The following PTPRM variants were observed in gnomAD, a reference collection of about 807,000 sequenced individuals.
PTPRM encodes the protein receptor-type tyrosine-protein phosphatase mu.
PTPRM carries 47 observed loss-of-function variants against 186.7 expected under a neutral mutation model. That is an observed-to-expected ratio of 0.25 (90% CI 0.20 to 0.32). PTPRM has a LOEUF of 0.32. Among genes scored for constraint, PTPRM ranks in the 10% least tolerant of loss-of-function variants. The pLI, the probability that PTPRM is intolerant of heterozygous loss-of-function variation, is 1.00. For synonymous variants in PTPRM, 668 were observed against 674.9 expected (o/e 0.99, Z 0.16); for missense variants, 1,494 against 1,865.0 (o/e 0.80, Z 3.66).
chr18:7,683,051 T>C (rs2039515420), intron 1 of PTPRM, among the ~76,000 whole-genome samples: 1 of 152,156 alleles, frequency 6.6e-6, no homozygotes, highest in Non-Finnish European at 1.5e-5. Flanking sequence ...GTCATGTCCA[T>C]GAGGCTTAGT....
intron 1 of PTPRM, among the ~76,000 whole-genome samples, chr18:7,683,209 A>G (rs2039519931): frequency 7.4e-6 from 1 of 135,790 alleles, no homozygotes. Flanking sequence ...TCTGTCGCCT[A>G]GACTAGAGTA....
intron 32 of PTPRM, among the ~76,000 whole-genome samples, chr18:8,395,133 AATCTCTTTTT>A (rs1371317670): frequency 3.3e-5 from 5 of 152,146 alleles, no homozygotes; most frequent in Non-Finnish European, 7.3e-5. Context: ...TATTTTATGA[AATCTCTTTTT>A]ATGTGGAGCT....
chr18:8,162,176 TACA>T (rs1185112473), intron 14 of PTPRM, among the ~76,000 whole-genome samples: 2 of 151,662 alleles, frequency 1.3e-5, no homozygotes, highest in African/African-American at 2.4e-5. Context: ...CTCGGCTCAC[TACA>T]ACCTCTGCCT....
intron 2 of PTPRM, among the ~76,000 whole-genome samples, chr18:7,783,754 G>C (rs1264506839): frequency 7.1e-6 from 1 of 140,178 alleles, no homozygotes; most frequent in Non-Finnish European, 1.6e-5. Context: ...AATTTTGTGT[G>C]TGTGTGTGTG....
chr18:7,965,367 A>G (rs1718317510), intron 7 of PTPRM, among the ~76,000 whole-genome samples: 1 of 152,204 alleles, frequency 6.6e-6, no homozygotes, highest in South Asian at 2.1e-4. Flanking sequence ...TTGTAAGTTT[A>G]TCCAGAGGAC....
chr18:7,989,935 G>T (rs2147610460), intron 7 of PTPRM, among the ~76,000 whole-genome samples: 1 of 152,158 alleles, frequency 6.6e-6, no homozygotes, highest in South Asian at 2.1e-4. Flanking sequence ...AGACAGTCTT[G>T]CTCTGTTGCC....
At chr18:8,004,173 G>A (rs968068859) in intron 7 of PTPRM, among the ~76,000 whole-genome samples, 2 of 152,162 alleles carry the variant, frequency 1.3e-5, no homozygotes, top group African/African-American at 2.4e-5. Flanking sequence ...GATTGAGAGT[G>A]CGCTGAAAAT....
At chr18:8,135,040 T>C (rs935480102) in intron 13 of PTPRM, among the ~76,000 whole-genome samples, 2 of 152,162 alleles carry the variant, frequency 1.3e-5, no homozygotes, top group Admixed American at 6.5e-5. Flanking sequence ...AAATAAAAAT[T>C]ATATAAGTTA....
At chr18:7,709,294 A>G (rs952570298) in intron 1 of PTPRM, among the ~76,000 whole-genome samples, 1 of 152,172 alleles carries the variant, frequency 6.6e-6, no homozygotes, top group Non-Finnish European at 1.5e-5. Context: ...AGATTAAATA[A>G]TAACTGAATG....
At chr18:8,288,939 T>C (rs2094989994) in intron 19 of PTPRM, among the ~76,000 whole-genome samples, 1 of 152,152 alleles carries the variant, frequency 6.6e-6, no homozygotes, top group Non-Finnish European at 1.5e-5. Flanking sequence ...ACTGGCTCAT[T>C]CCATAAAACG....
chr18:7,694,431 C>CTTT (rs11369001), intron 1 of PTPRM, among the ~76,000 whole-genome samples: 2 of 138,338 alleles, frequency 1.4e-5, no homozygotes, highest in African/African-American at 2.8e-5. Flanking sequence ...TCCTTCCTTC[C>CTTT]TTTTTTTTTT....
chr18:8,069,841 C>G lies in PTPRM; in HGVS notation c.1288C>G (p.Arg430Gly). Residue 430 changes from arginine to glycine, a missense_variant, in exon 8 of 33, where the codon CGA becomes GGA. By Grantham distance (125) the Arg-to-Gly change is moderately radical. Transcript: ENST00000580170. ...CYQVGGQEQV[R>G]EEVSWDTENS... ...CCAAGTTGGAGGACAAGAACAAGTGCGAGAAGAAGTAAGCTGGGATACAGA... is the reference window on the plus strand; with the variant it reads ...CCAAGTTGGAGGACAAGAACAAGTGGGAGAAGAAGTAAGCTGGGATACAGA... 1 of 1,613,928 alleles carries G rather than the reference C, an allele frequency of 6.2e-7. No homozygotes were observed. Among genetic ancestry groups the G allele is most frequent in the Non-Finnish European group, 8.5e-7 (1 of 1,179,932 alleles).
chr18:7,788,134 A>G (rs2043176825), intron 2 of PTPRM, among the ~76,000 whole-genome samples: 1 of 152,226 alleles, frequency 6.6e-6, no homozygotes, highest in Non-Finnish European at 1.5e-5. Flanking sequence ...GAGAAGGAAA[A>G]GAAAGAAGGG....
At chr18:8,301,017 T>G (rs2095151874) in intron 20 of PTPRM, among the ~76,000 whole-genome samples, 1 of 152,158 alleles carries the variant, frequency 6.6e-6, no homozygotes, top group South Asian at 2.1e-4. Flanking sequence ...TGCCTAAAAA[T>G]TATGTAACTG....
At position 7,573,805 on chromosome 18, in the gene PTPRM, G is replaced by A. The variant is rs545293644; in HGVS notation, c.73+5914G>A. 1.6e-3 allele frequency among the ~76,000 whole-genome samples: 244 copies of A among 151,988 alleles called. 4 individuals are homozygous for A. Among genetic ancestry groups the A allele is most frequent in the African/African-American group, 5.6e-3 (234 of 41,466 alleles). Reference sequence around the variant, plus strand: ...GGGTTTCACCATGTTGGCCATGGCTGGTCTTGAACTCCTGACCTCAGGTGA... The same window carrying A: ...GGGTTTCACCATGTTGGCCATGGCTAGTCTTGAACTCCTGACCTCAGGTGA... On this transcript the variant is annotated intron_variant, in intron 1 of 32. Coordinates refer to ENST00000580170, the MANE Select transcript of PTPRM (RefSeq NM_001105244.2).
At chr18:7,676,401 TG>T (rs1396735050) in intron 1 of PTPRM, among the ~76,000 whole-genome samples, 1 of 152,186 alleles carries the variant, frequency 6.6e-6, no homozygotes, top group Non-Finnish European at 1.5e-5. Flanking sequence ...TTTAGCCTCC[TG>T]TCCGTCTTGT....
chr18:7,993,827 G>A lies in PTPRM; in HGVS notation c.1132+38413G>A, dbSNP rs561173702. ...AGAGCAGATACGTATATGAGAAACC[G>A]AAAGGAATGAAATGTTATTACTACA... On this transcript the variant is annotated intron_variant, in intron 7 of 32. Transcript: ENST00000580170. Among the ~76,000 whole-genome samples, 7 of 152,040 alleles carry A rather than the reference G, an allele frequency of 4.6e-5. No individual in the cohort carries two copies. The East Asian group carries it at 5.8e-4, about 13-fold the overall frequency.
intron 14 of PTPRM, among the ~76,000 whole-genome samples, chr18:8,174,891 C>G (rs2093459123): frequency 6.6e-6 from 1 of 152,234 alleles, no homozygotes. Context: ...ACGCATTTGT[C>G]TCTCTGACAG....
chr18:8,032,282 G>A (rs2086028984), intron 7 of PTPRM, among the ~76,000 whole-genome samples: 1 of 152,086 alleles, frequency 6.6e-6, no homozygotes, highest in African/African-American at 2.4e-5. Flanking sequence ...TGTAAAAATG[G>A]GGATTGTTAT....
Sources: gnomAD v4.1 joint callset for allele counts (sites outside exome capture counted in the v4.1 genomes callset) on GRCh38, gnomAD v4.1.1 for gene constraint, MANE v1.5 for transcripts, NCBI Gene and HGNC (gene_info 2026-07-23, HGNC 2026-07-21) for gene names.